Variants in IL1RAP observed in about 807,000 individuals in gnomAD.
IL1RAP encodes the protein interleukin 1 receptor accessory protein.
IL1RAP carries 35 observed loss-of-function variants against 60.7 expected under a neutral mutation model. That is an observed-to-expected ratio of 0.58 (90% CI 0.44 to 0.76). IL1RAP has a LOEUF of 0.76. Among genes scored for constraint, IL1RAP ranks in the 30% least tolerant of loss-of-function variants. The probability of loss-of-function intolerance (pLI) is 0.00; values close to 1 mark genes in which losing one functional copy is unlikely to be tolerated. For missense variants in IL1RAP, 572 were observed against 693.9 expected, an observed-to-expected ratio of 0.82 and a Z score of 1.97; for synonymous variants, 268 against 250.9, an observed-to-expected ratio of 1.07 and a Z score of -0.64.
At chr3:190,610,942 T>C (rs1339089664) in intron 5 of IL1RAP, among the ~76,000 whole-genome samples, 1 of 152,204 alleles carries the variant, frequency 6.6e-6, no homozygotes, top group African/African-American at 2.4e-5. Flanking sequence ...TAATGACATT[T>C]CACAAAATTT....
At chr3:190,605,116 A>G (rs1027047341) in intron 4 of IL1RAP, among the ~76,000 whole-genome samples, 2 of 152,134 alleles carry the variant, frequency 1.3e-5, no homozygotes, top group East Asian at 3.9e-4. Context: ...GGCATGACAT[A>G]TATGTATGAC....
rs539913501 is a variant in IL1RAP at position 190,596,154 on chromosome 3, T to G, written c.65-7974T>G. 6.6e-5 allele frequency among the ~76,000 whole-genome samples: 10 copies of G among 152,376 alleles called. No homozygotes were observed. The South Asian group carries it at 2.1e-3, about 32-fold the overall frequency. ...AAAATTCAAATCTTTGCTCTTTCTT[T>G]TCTATACCTGAGTTTCCTGATTTTT... On this transcript the variant is annotated intron_variant, in intron 3 of 11. Coordinates refer to ENST00000447382, the MANE Select transcript of IL1RAP (RefSeq NM_002182.4).
Position 190,564,579 on chromosome 3 carries a change from G to A in IL1RAP, c.64+226G>A. 7.5e-6 allele frequency: 4 copies of A among 532,684 alleles called. No homozygotes were observed. In the South Asian group the frequency reaches 9.1e-5, roughly 12 times the overall value. The allele number at this position is 532,684 out of a possible 1,614,324, so 33.0% of individuals were successfully genotyped here. A position where few individuals can be genotyped will look rare whatever the true frequency, so the allele number is the denominator to read the frequency against. On this transcript the variant is annotated intron_variant, in intron 3 of 11. Coordinates refer to ENST00000447382, the MANE Select transcript of IL1RAP (RefSeq NM_002182.4). ...AGTACACAGGGGGCAGTGGGCCGCT[G>A]TGTTTAAACACAGGTATTTTTCATT...
chr3:190,612,144 A>G (rs1427922176), intron 5 of IL1RAP, among the ~76,000 whole-genome samples: 2 of 152,300 alleles, frequency 1.3e-5, no homozygotes, highest in Admixed American at 6.5e-5. Flanking sequence ...GGGTGCAGTG[A>G]GTAGCTGTGC....
chr3:190,624,715 T>A (rs1219845075), intron 7 of IL1RAP: 1 of 209,920 alleles, frequency 4.8e-6, no homozygotes, highest in African/African-American at 2.3e-5. Flanking sequence ...ACACACCTCT[T>A]GTTTCAGGCA....
intron 2 of IL1RAP, among the ~76,000 whole-genome samples, chr3:190,556,560 A>G (rs971000408): frequency 1.3e-5 from 2 of 152,092 alleles, no homozygotes; most frequent in African/African-American, 4.8e-5. Flanking sequence ...CCAATTTCCA[A>G]TTTCATCATA....
At chr3:190,583,801 A>T (rs1040248281) in intron 3 of IL1RAP, among the ~76,000 whole-genome samples, 5 of 152,230 alleles carry the variant, frequency 3.3e-5, no homozygotes, top group Admixed American at 2.6e-4. Flanking sequence ...TGGAGCTATG[A>T]TTAAATAATT....
chr3:190,648,302 G>T, intron 11 of IL1RAP, 36 bp from the exon 12 acceptor site: 1 of 1,532,662 alleles, frequency 6.5e-7, no homozygotes, highest in Non-Finnish European at 8.7e-7. Context: ...GGAGTTTTTG[G>T]CCAACACTAA....
intron 3 of IL1RAP, among the ~76,000 whole-genome samples, chr3:190,568,570 C>T (rs1726626513): frequency 6.6e-6 from 1 of 152,096 alleles, no homozygotes; most frequent in Admixed American, 6.6e-5. Context: ...ACTGTGGTTT[C>T]CTAGTAATTG....
At chr3:190,602,068 A>T (rs1472548859) in intron 3 of IL1RAP, among the ~76,000 whole-genome samples, 1 of 152,182 alleles carries the variant, frequency 6.6e-6, no homozygotes, top group Non-Finnish European at 1.5e-5. Flanking sequence ...ACAGTTTCAA[A>T]TTGCAGAGGA....
At chr3:190,602,787 G>A (rs1729969970) in intron 3 of IL1RAP, among the ~76,000 whole-genome samples, 1 of 152,080 alleles carries the variant, frequency 6.6e-6, no homozygotes, top group South Asian at 2.1e-4. Context: ...GATGTCAATG[G>A]AAACGTAGGG....
intron 1 of IL1RAP, among the ~76,000 whole-genome samples, chr3:190,533,909 A>G (rs1723202334): frequency 2.0e-5 from 3 of 152,148 alleles, no homozygotes; most frequent in African/African-American, 7.2e-5. Flanking sequence ...GCCGTTTCAA[A>G]GGAAAGCTGC....
At chr3:190,595,223 A>C (rs1344053946) in intron 3 of IL1RAP, among the ~76,000 whole-genome samples, 2 of 152,212 alleles carry the variant, frequency 1.3e-5, no homozygotes, top group African/African-American at 2.4e-5. Flanking sequence ...TATTTGGCAC[A>C]TGACGGAATG....
chr3:190,632,476 A>G (rs939984436), intron 9 of IL1RAP, among the ~76,000 whole-genome samples: 2 of 152,204 alleles, frequency 1.3e-5, no homozygotes, highest in African/African-American at 2.4e-5. Context: ...GTATGTTAGG[A>G]TATAGACACA....
At chr3:190,607,215 G>A (rs1285644726) in intron 4 of IL1RAP, among the ~76,000 whole-genome samples, 1 of 151,964 alleles carries the variant, frequency 6.6e-6, no homozygotes. Flanking sequence ...GGTGTTATGT[G>A]ATGCCTCCCA....
intron 2 of IL1RAP, among the ~76,000 whole-genome samples, chr3:190,563,197 A>G (rs150504603): frequency 1.6e-3 from 237 of 152,310 alleles, no homozygotes; most frequent in African/African-American, 5.3e-3. Flanking sequence ...AAGCTGCTGC[A>G]TACCTGTGGT....
At chr3:190,648,193 T>G in intron 11 of IL1RAP, 145 bp from the exon 12 acceptor site, 1 of 985,088 alleles carries the variant, frequency 1.0e-6, no homozygotes, top group Non-Finnish European at 1.5e-6. Context: ...GTATAAGGAT[T>G]AAGTTGTTCA....
chr3:190,518,246 T>A (rs931239872), intron 1 of IL1RAP, among the ~76,000 whole-genome samples: 2 of 152,142 alleles, frequency 1.3e-5, no homozygotes, highest in Non-Finnish European at 2.9e-5. Context: ...GATGATCTTT[T>A]GGCTCTGCAG....
At chr3:190,577,125 T>C (rs1488493989) in intron 3 of IL1RAP, among the ~76,000 whole-genome samples, 1 of 146,150 alleles carries the variant, frequency 6.8e-6, no homozygotes, top group African/African-American at 2.5e-5. Context: ...AAAAAAAGGA[T>C]TGTTACAATA....
Sources: gnomAD v4.1 joint callset for allele counts (sites outside exome capture counted in the v4.1 genomes callset) on GRCh38, gnomAD v4.1.1 for gene constraint, MANE v1.5 for transcripts, NCBI Gene and HGNC (gene_info 2026-07-23, HGNC 2026-07-21) for gene names.